GALNT13: variants seen among roughly 807,000 people sequenced by gnomAD.
The protein encoded by GALNT13 is UDP-GalNAc:polypeptide N-acetylgalactosaminyltransferase 13.
A neutral mutation model predicts 64.2 loss-of-function variants in GALNT13; 28 were observed. The observed-to-expected ratio is 0.44, with a 90% CI of 0.32 to 0.60. The LOEUF (loss-of-function observed/expected upper bound fraction) is 0.60. Among genes scored for constraint, GALNT13 ranks in the 20% least tolerant of loss-of-function variants. The pLI, the probability that GALNT13 is intolerant of heterozygous loss-of-function variation, is 0.05. For synonymous variants in GALNT13, 214 were observed against 224.6 expected, an observed-to-expected ratio of 0.95 and a Z score of 0.42; for missense variants, 577 against 669.8, an observed-to-expected ratio of 0.86 and a Z score of 1.53.
chr2:153,457,653 TCA>T, the GALNT13 span, among the ~76,000 whole-genome samples: 1 of 152,206 alleles, frequency 6.6e-6, no homozygotes, highest in Non-Finnish European at 1.5e-5. Flanking sequence ...TTAAAAAAAA[TCA>T]CTGAGTAAAT....
the GALNT13 span, among the ~76,000 whole-genome samples, chr2:153,719,134 G>T: frequency 2.0e-5 from 3 of 152,074 alleles, no homozygotes; most frequent in Admixed American, 2.0e-4. Context: ...ATACTGTTAA[G>T]TTCATTACAA....
chr2:153,791,472 G>A, the GALNT13 span, among the ~76,000 whole-genome samples: 1 of 152,156 alleles, frequency 6.6e-6, no homozygotes, highest in African/African-American at 2.4e-5. Context: ...GCTTATACAT[G>A]TTGATTGGAG....
intron 3 of GALNT13, among the ~76,000 whole-genome samples, chr2:153,969,854 G>T (rs1284764654): frequency 6.6e-6 from 1 of 151,752 alleles, no homozygotes; most frequent in Admixed American, 6.6e-5. Context: ...TTACTTATTT[G>T]GGGCATGCCT....
At chr2:154,306,405 G>C (rs1693734680) in intron 9 of GALNT13, among the ~76,000 whole-genome samples, 1 of 151,972 alleles carries the variant, frequency 6.6e-6, no homozygotes, top group African/African-American at 2.4e-5. Context: ...GCAGTGTTTG[G>C]TGTTCTGTTC....
intron 3 of GALNT13, among the ~76,000 whole-genome samples, chr2:154,133,575 T>C (rs1682769197): frequency 1.8e-5 from 2 of 110,264 alleles, no homozygotes; most frequent in Non-Finnish European, 3.6e-5. Flanking sequence ...TATATATATA[T>C]ATATATATAT....
At chr2:153,241,472 T>G in the GALNT13 span, among the ~76,000 whole-genome samples, 1 of 152,190 alleles carries the variant, frequency 6.6e-6, no homozygotes, top group Non-Finnish European at 1.5e-5. Context: ...TGCCTATGTT[T>G]CCATAAAACA....
At chr2:153,594,299 C>T in the GALNT13 span, among the ~76,000 whole-genome samples, 1 of 152,036 alleles carries the variant, frequency 6.6e-6, no homozygotes, top group Non-Finnish European at 1.5e-5. Flanking sequence ...CTAAAAATAA[C>T]CAAAGAAGGT....
the GALNT13 span, among the ~76,000 whole-genome samples, chr2:153,651,604 G>A: frequency 6.6e-6 from 1 of 152,130 alleles, no homozygotes; most frequent in African/African-American, 2.4e-5. Flanking sequence ...TTCTAAGCAT[G>A]GGAAGGACAA....
chr2:154,218,797 T>C (rs1316670862), intron 4 of GALNT13, among the ~76,000 whole-genome samples: 1 of 152,140 alleles, frequency 6.6e-6, no homozygotes, highest in Non-Finnish European at 1.5e-5. Context: ...ACATTTCTTA[T>C]CTATTATGCC....
chr2:153,108,285 TC>T, the GALNT13 span, among the ~76,000 whole-genome samples: 1 of 152,176 alleles, frequency 6.6e-6, no homozygotes, highest in Non-Finnish European at 1.5e-5. Context: ...AGTTTTTTTT[TC>T]ATGTGGTAGT....
chr2:153,910,507 C>T (rs566948143), intron 2 of GALNT13, among the ~76,000 whole-genome samples: 17 of 151,922 alleles, frequency 1.1e-4, no homozygotes, highest in Non-Finnish European at 2.4e-4. Context: ...TGCTTCTCTA[C>T]TTCTTTTATT....
chr2:154,000,318 C>T (rs1695819009), intron 3 of GALNT13, among the ~76,000 whole-genome samples: 1 of 151,208 alleles, frequency 6.6e-6, no homozygotes, highest in Non-Finnish European at 1.5e-5. Context: ...TATTTCTGCT[C>T]TGATATTTGT....
chr2:154,222,597 A>G (rs755258133), intron 4 of GALNT13, among the ~76,000 whole-genome samples: 44 of 152,166 alleles, frequency 2.9e-4, no homozygotes, highest in Non-Finnish European at 5.4e-4. Flanking sequence ...TTATGGGTAC[A>G]TTTCCCCTAC....
At chr2:153,917,448 A>T (rs1472899572) in intron 2 of GALNT13, among the ~76,000 whole-genome samples, 4 of 151,978 alleles carry the variant, frequency 2.6e-5, no homozygotes, top group African/African-American at 9.7e-5. Context: ...TTTTATTTTG[A>T]CTTTATGATA....
the GALNT13 span, among the ~76,000 whole-genome samples, chr2:153,160,859 G>C: frequency 6.6e-6 from 1 of 152,146 alleles, no homozygotes; most frequent in Non-Finnish European, 1.5e-5. Context: ...AGGTTATTTA[G>C]ATTCACCTCC....
chr2:154,135,022 A>G (rs1240527014), intron 3 of GALNT13, among the ~76,000 whole-genome samples: 1 of 152,188 alleles, frequency 6.6e-6, no homozygotes, highest in African/African-American at 2.4e-5. Flanking sequence ...ATGTACAATA[A>G]TGTTGAATGA....
the GALNT13 span, among the ~76,000 whole-genome samples, chr2:153,571,314 C>A: frequency 2.6e-5 from 4 of 151,958 alleles, no homozygotes; most frequent in Non-Finnish European, 4.4e-5. Flanking sequence ...CAGTATCCTG[C>A]AACTTTAATA....
chr2:153,336,128 T>C, the GALNT13 span, among the ~76,000 whole-genome samples: 4 of 152,294 alleles, frequency 2.6e-5, no homozygotes, highest in Admixed American at 2.0e-4. Context: ...AGGCAAAAGT[T>C]TGCTGCAGGG....
chr2:153,731,193 G>A, the GALNT13 span, among the ~76,000 whole-genome samples: 2 of 151,480 alleles, frequency 1.3e-5, no homozygotes, highest in African/African-American at 4.9e-5. Context: ...TCATATATAT[G>A]TTGCCTTTTG....
Sources: gnomAD v4.1 joint callset for allele counts (sites outside exome capture counted in the v4.1 genomes callset) on GRCh38, gnomAD v4.1.1 for gene constraint, MANE v1.5 for transcripts, NCBI Gene and HGNC (gene_info 2026-07-23, HGNC 2026-07-21) for gene names.